Variants in ZCCHC2 observed in about 807,000 individuals in gnomAD.
ZCCHC2 encodes zinc finger CCHC domain-containing protein 2.
A neutral mutation model predicts 103.6 loss-of-function variants in ZCCHC2; 39 were observed. The ratio of observed to expected loss-of-function variants is 0.38; its 90% CI spans 0.29 to 0.49. The LOEUF is 0.49. Ranked by LOEUF, ZCCHC2 falls within the 20% of genes least tolerant of loss-of-function variation. The pLI, the probability that ZCCHC2 is intolerant of heterozygous loss-of-function variation, is 0.96. For missense variants in ZCCHC2, 1,483 were observed against 1,491.0 expected, an observed-to-expected ratio of 0.99 and a Z score of 0.09; for synonymous variants, 687 against 608.9, an observed-to-expected ratio of 1.13 and a Z score of -1.89.
At chr18:62,527,994 C>A (rs1914509881) in intron 1 of ZCCHC2, among the ~76,000 whole-genome samples, 1 of 151,960 alleles carries the variant, frequency 6.6e-6, no homozygotes, top group African/African-American at 2.4e-5. Flanking sequence ...AGGTTTAGTC[C>A]CCAACTAGCG....
intron 1 of ZCCHC2, 60 bp downstream of exon 1, chr18:62,524,423 G>T: frequency 7.0e-7 from 1 of 1,426,618 alleles, no homozygotes; most frequent in South Asian, 1.5e-5. Flanking sequence ...CGGCCTCCCC[G>T]GCCTCGCTCT....
At chr18:62,542,292 A>G (rs1046857975) in intron 2 of ZCCHC2, among the ~76,000 whole-genome samples, 1 of 151,790 alleles carries the variant, frequency 6.6e-6, no homozygotes, top group Admixed American at 6.6e-5. Context: ...ATAGAAAAAA[A>G]TTTTTTTCAT....
At chr18:62,569,994 G>A (rs1916528348) in intron 11 of ZCCHC2, 109 bp from the exon 12 acceptor site, 6 of 1,072,178 alleles carry the variant, frequency 5.6e-6, no homozygotes, top group African/African-American at 4.8e-5. Context: ...TTAGATGGTT[G>A]TGGGGAAACT....
rs1026017305 is a variant in ZCCHC2 at position 62,577,359 on chromosome 18, C to G, written c.*780C>G. The G allele has an allele frequency of 6.6e-6, 1 of 152,202 alleles. No individual in the cohort carries two copies. Among genetic ancestry groups the G allele is most frequent in the Non-Finnish European group, 1.5e-5 (1 of 68,018 alleles). The allele number at this position is 152,202 out of a possible 1,614,324, so 9.4% of individuals were successfully genotyped here. ...TCCATCATCCTTTTTTAGCCTGTTG[C>G]TTCAGAGAGACACAAAGTGAACACA... On this transcript the variant is annotated 3_prime_UTR_variant, in exon 14 of 14. Coordinates refer to ENST00000269499, the MANE Select transcript of ZCCHC2 (RefSeq NM_017742.6).
At position 62,574,734 on chromosome 18, in the gene ZCCHC2, A is replaced by G. The variant is rs1364523980; in HGVS notation, c.2653A>G (p.Ile885Val). 6 of 1,614,012 alleles carry G rather than the reference A, an allele frequency of 3.7e-6. No individual in the cohort carries two copies. The highest frequency in any genetic ancestry group is 5.1e-6 in the Non-Finnish European group (6 of 1,179,882). Reference protein sequence around the residue: ...VVGLNQMVPQIEGNTGTVPQP... With the variant: ...VVGLNQMVPQVEGNTGTVPQP... ...AGGACTCAATCAAATGGTGCCTCAA[A>G]TTGAGGGAAACACAGGGACAGTCCC... The change falls in exon 13 of 14, where the codon ATT (isoleucine) becomes GTT (valine). Residue 885 changes from isoleucine (I) to valine (V), a missense_variant. This residue lies in a region of ZCCHC2 where 884 missense variants were observed against 907.5 expected (regional missense o/e 0.97). Coordinates refer to ENST00000269499, the MANE Select transcript of ZCCHC2 (RefSeq NM_017742.6).
At chr18:62,544,282 G>A (rs1915320103) in intron 3 of ZCCHC2, among the ~76,000 whole-genome samples, 1 of 152,124 alleles carries the variant, frequency 6.6e-6, no homozygotes, top group South Asian at 2.1e-4. Context: ...ATCATACCTG[G>A]CCCTAGCATC....
intron 11 of ZCCHC2, among the ~76,000 whole-genome samples, chr18:62,569,469 G>C (rs752111731): frequency 7.3e-5 from 11 of 151,068 alleles, no homozygotes; most frequent in Non-Finnish European, 1.5e-4. Context: ...ACAGAGATAA[G>C]AGAATATTTC....
chr18:62,524,320 A>G lies in ZCCHC2; in HGVS notation c.896A>G (p.Glu299Gly). 2 of 1,547,576 alleles carry G rather than the reference A, an allele frequency of 1.3e-6. No homozygotes were observed. The highest frequency in any genetic ancestry group is 1.7e-6 in the Non-Finnish European group (2 of 1,146,000). The part of the protein sequence containing the change: ...AALRGGPEDA[E>G]VEVEPCKFAG... ...CTCCGCGGGGGCCCCGAGGACGCGG[A>G]GGTGGAGGTAGAGCCGTGCAAGTTT... The change falls in exon 1 of 14, where the codon GAG becomes GGG. Residue 299 changes from glutamate to glycine, a missense_variant. Physicochemically the swap from Glu to Gly is moderately conservative, Grantham distance 98. Coordinates refer to ENST00000269499, the MANE Select transcript of ZCCHC2 (RefSeq NM_017742.6).
At chr18:62,549,716 G>T (rs1288075542) in intron 4 of ZCCHC2, among the ~76,000 whole-genome samples, 1 of 152,214 alleles carries the variant, frequency 6.6e-6, no homozygotes, top group Non-Finnish European at 1.5e-5. Context: ...TATTGGCCAA[G>T]TGTTGATTTT....
intron 6 of ZCCHC2, among the ~76,000 whole-genome samples, chr18:62,557,883 T>C (rs1406499816): frequency 1.3e-5 from 2 of 152,318 alleles, no homozygotes; most frequent in East Asian, 1.9e-4. Flanking sequence ...TGTTTTTAGG[T>C]TGTAAAATTA....
At chr18:62,578,754 A>C (rs560710901), downstream of ZCCHC2, among the ~76,000 whole-genome samples, 4 of 152,206 alleles carry the variant, frequency 2.6e-5, no homozygotes, top group East Asian at 7.7e-4. Context: ...GATGCTCCTC[A>C]GTTCTTCCCC....
intron 13 of ZCCHC2, among the ~76,000 whole-genome samples, chr18:62,576,191 T>C (rs1916835272): frequency 6.6e-6 from 1 of 152,250 alleles, no homozygotes; most frequent in Non-Finnish European, 1.5e-5. Flanking sequence ...CCAAATTTTA[T>C]GTCAACTTCA....
chr18:62,545,058 A>C (rs1455441167), intron 4 of ZCCHC2, among the ~76,000 whole-genome samples, 185 bp downstream of exon 4: 1 of 152,194 alleles, frequency 6.6e-6, no homozygotes, highest in Non-Finnish European at 1.5e-5. Flanking sequence ...TGACATTACC[A>C]ACATAAGGAA....
intron 8 of ZCCHC2, among the ~76,000 whole-genome samples, chr18:62,561,524 T>C (rs1916116851): frequency 6.6e-6 from 1 of 152,230 alleles, no homozygotes; most frequent in South Asian, 2.1e-4. Context: ...CTCCATCCTT[T>C]TTGGGTCTGT....
At chr18:62,553,156 A>ATATG (rs1230084803) in intron 5 of ZCCHC2, among the ~76,000 whole-genome samples, 5 of 139,742 alleles carry the variant, frequency 3.6e-5, no homozygotes, top group African/African-American at 1.1e-4. Flanking sequence ...CCTTAGATTT[A>ATATG]TGTGTGTGTG....
rs558792533 is a variant in ZCCHC2, at chr18:62,557,934, T to A, written c.1409-753T>A. Among the ~76,000 whole-genome samples the A allele has an allele frequency of 9.9e-4, 150 of 152,272 alleles. 1 individual carries two copies. The highest frequency in any genetic ancestry group is 3.4e-3 in the Middle Eastern group (1 of 294). On this transcript the variant is annotated intron_variant, in intron 6 of 13. Coordinates refer to ENST00000269499, the MANE Select transcript of ZCCHC2 (RefSeq NM_017742.6). ...GTACAGAACTTGAGATTGTGGGAAA[T>A]CTTGTCAGCCTAACGTTCTTACATA...
chr18:62,524,278 A>C lies in ZCCHC2; in HGVS notation c.854A>C (p.Glu285Ala). 2 of 1,549,326 alleles carry C rather than the reference A, an allele frequency of 1.3e-6. No homozygotes were observed. The highest frequency in any genetic ancestry group is 1.7e-6 in the Non-Finnish European group (2 of 1,146,496). The change falls in exon 1 of 14, where the codon GAG becomes GCG. Residue 285 changes from glutamate to alanine, a missense_variant. Around this residue, in one of 3 missense-constraint regions of ZCCHC2, gnomAD observed 568 missense variants for 525.1 expected, o/e 1.08. Coordinates refer to ENST00000269499, the MANE Select transcript of ZCCHC2 (RefSeq NM_017742.6). ...CGGGTCACCCTGAGGGAACACTTGG[A>C]GAGGCTCCGCGCCGCGCTCCGCGGG... ...HQRVTLREHLERLRAALRGGP... is the reference protein window; with the variant it reads ...HQRVTLREHLARLRAALRGGP...
At chr18:62,560,826 T>C (rs1916085514) in intron 8 of ZCCHC2, among the ~76,000 whole-genome samples, 182 bp downstream of exon 8, 1 of 152,042 alleles carries the variant, frequency 6.6e-6, no homozygotes, top group African/African-American at 2.4e-5. Context: ...GTTTTTCTTC[T>C]GTGGTTTTTT....
At chr18:62,576,108 G>A (rs1207847305) in intron 13 of ZCCHC2, among the ~76,000 whole-genome samples, 2 of 151,492 alleles carry the variant, frequency 1.3e-5, no homozygotes, top group Non-Finnish European at 2.9e-5. Context: ...TGAGAGTAAA[G>A]GAATTTGAAC....
Sources: allele counts gnomAD v4.1 joint callset (sites outside exome capture counted in the v4.1 genomes callset), GRCh38; gene constraint gnomAD v4.1.1; regional missense constraint gnomAD v4.1.1; transcripts MANE v1.5; gene names NCBI Gene and HGNC (gene_info 2026-07-23, HGNC 2026-07-21).